Variants in KIFC1 observed in about 807,000 individuals in gnomAD.
KIFC1 encodes kinesin family member C1, also known as kinesin-like protein KIFC1.
In KIFC1, 37 loss-of-function variants were observed where a neutral mutation model predicts 66.6. The observed-to-expected ratio is 0.56, with a 90% CI of 0.43 to 0.73. The LOEUF is 0.73. Ranked by LOEUF, KIFC1 falls within the 30% of genes least tolerant of loss-of-function variation. The pLI is 0.00. For synonymous variants in KIFC1, 325 were observed against 343.5 expected (o/e 0.95, Z 0.60); for missense variants, 721 against 859.8 (o/e 0.84, Z 2.02).
At position 33,405,576 on chromosome 6, in the gene KIFC1, G is replaced by T; in HGVS notation, c.1481G>T (p.Ser494Ile). 1 of 1,568,000 alleles carries T rather than the reference G, an allele frequency of 6.4e-7. No homozygotes were observed. The highest frequency in any genetic ancestry group is 8.6e-7 in the Non-Finnish European group (1 of 1,159,936). ...ECEIRRAGPG[S>I]EELTVTNARY... Reference sequence around the variant, plus strand: ...GAGATTCGCCGTGCAGGGCCAGGGAGTGAGGAGCTCACTGTCACCAATGCT... The same window carrying T: ...GAGATTCGCCGTGCAGGGCCAGGGATTGAGGAGCTCACTGTCACCAATGCT... Residue 494 changes from serine (S) to isoleucine (I), a missense_variant, in exon 7 of 11, where the codon AGT (serine) becomes ATT (isoleucine). By Grantham distance (142) the Ser-to-Ile change is moderately radical. Coordinates refer to ENST00000428849, the MANE Select transcript of KIFC1 (RefSeq NM_002263.4). This position sits in a 1 kb window ranked among gnomAD's most constrained non-coding sequence, Gnocchi z 5.4.
Position 33,403,345 on chromosome 6 carries a change from G to A in KIFC1, c.282G>A (p.Arg94=). 6 of 1,614,008 alleles carry A rather than the reference G, an allele frequency of 3.7e-6. No individual in the cohort carries two copies. The highest frequency in any genetic ancestry group is 5.1e-6 in the Non-Finnish European group (6 of 1,180,018). The change falls in exon 4 of 11, where the codon CGG becomes CGA. Residue 94 remains arginine (R), a synonymous_variant. Transcript: ENST00000428849. This position sits in a 1 kb window ranked among gnomAD's most constrained non-coding sequence, Gnocchi z 4.6. ...AAGTTTCCAAGAAGACAGGACCCCGGTGTTCCACAGCTATTGCCACAGGTA... is the reference window on the plus strand; with the variant it reads ...AAGTTTCCAAGAAGACAGGACCCCGATGTTCCACAGCTATTGCCACAGGTA... ...AQKVSKKTGP[R]CSTAIATGLK... is the part of the protein sequence containing the mutation.
chr6:33,405,751 C>A lies in KIFC1; in HGVS notation c.1536+120C>A, dbSNP rs946692322. ...GAAGGATGAAGTGCAAGTTATCAGG[C>A]TGGGTTACCACATCCGGTTTTGGCC... On this transcript the variant is annotated intron_variant, in intron 7 of 10. Transcript: ENST00000428849. The surrounding 1 kb of genome is among the most constrained non-coding windows in gnomAD (Gnocchi z 5.4). 1 of 1,122,836 alleles carries A rather than the reference C, an allele frequency of 8.9e-7. No individual in the cohort carries two copies. The highest frequency in any genetic ancestry group is 1.2e-6 in the Non-Finnish European group (1 of 829,758). 69.6% of individuals were successfully genotyped at this position (1,122,836 alleles called of 1,614,324 possible). A position where few individuals can be genotyped will look rare whatever the true frequency, so the allele number is the denominator to read the frequency against.
chr6:33,409,754 T>TGTCC lies in KIFC1; in HGVS notation c.*64_*65insGTCC, dbSNP rs1374618874. 6.5e-5 allele frequency: 87 copies of TGTCC among 1,343,402 alleles called. No individual in the cohort carries two copies. The African/African-American group carries it at 1.1e-3, about 18-fold the overall frequency. The allele number at this position is 1,343,402 out of a possible 1,614,324, so 83.2% of individuals were successfully genotyped here. On this transcript the variant is annotated 3_prime_UTR_variant, in exon 11 of 11. Transcript: ENST00000428849. ...GTGTGTGTGTGTGTGTGTGTGTGTG[T>TGTCC]CCCTATGTCTATGTATCGGGTGAGG... is the stretch of plus-strand genomic sequence containing the variant.
chr6:33,394,702 G>A (rs1774949953), intron 1 of KIFC1, among the ~76,000 whole-genome samples: 1 of 152,086 alleles, frequency 6.6e-6, no homozygotes, highest in African/African-American at 2.4e-5. Context: ...GGCTGGTCTC[G>A]AACTCCTGAA....
At position 33,405,397 on chromosome 6, in the gene KIFC1, C is replaced by G. The variant is rs751031255; in HGVS notation, c.1302C>G (p.Ile434Met). 6 of 1,606,060 alleles carry G rather than the reference C, an allele frequency of 3.7e-6. No homozygotes were observed. Among genetic ancestry groups the G allele is most frequent in the Non-Finnish European group, 5.1e-6 (6 of 1,174,668 alleles). ...GAGACCCCCAGTTGGAGGGGCTGAT[C>G]CCTCGGGCCCTGCGGCACCTCTTCT... Reference protein sequence around the residue: ...PGGDPQLEGLIPRALRHLFSV... With the variant: ...PGGDPQLEGLMPRALRHLFSV... Residue 434 changes from isoleucine (I) to methionine (M), a missense_variant, in exon 7 of 11, where the codon ATC becomes ATG. Physicochemically the swap from Ile to Met is conservative, Grantham distance 10. Coordinates refer to ENST00000428849, the MANE Select transcript of KIFC1 (RefSeq NM_002263.4). The surrounding 1 kb of genome is among the most constrained non-coding windows in gnomAD (Gnocchi z 5.4).
intron 3 of KIFC1, among the ~76,000 whole-genome samples, chr6:33,398,637 A>AT (rs1243231036): frequency 4.0e-5 from 6 of 151,270 alleles, no homozygotes; most frequent in Non-Finnish European, 7.4e-5. Flanking sequence ...TAATTTTTGT[A>AT]TTTTTTTCAG....
chr6:33,409,725 G>T lies in KIFC1; in HGVS notation c.*35G>T. The T allele has an allele frequency of 1.5e-6, 2 of 1,359,174 alleles. No individual in the cohort carries two copies. Among genetic ancestry groups the T allele is most frequent in the Non-Finnish European group, 2.0e-6 (2 of 979,924 alleles). 84.2% of individuals were successfully genotyped at this position (1,359,174 alleles called of 1,614,324 possible). ...CAGATCTGTGTGTGTGTGTGTGTGTGTGTGTGTGTGTGTGTGTGTGTGTGT... is the reference window on the plus strand; with the variant it reads ...CAGATCTGTGTGTGTGTGTGTGTGTTTGTGTGTGTGTGTGTGTGTGTGTGT... On this transcript the variant is annotated 3_prime_UTR_variant, in exon 11 of 11. Transcript: ENST00000428849.
Position 33,405,663 on chromosome 6 carries a change from T to G in KIFC1, c.1536+32T>G. On this transcript the variant is annotated intron_variant, in intron 7 of 10. Coordinates refer to ENST00000428849, the MANE Select transcript of KIFC1 (RefSeq NM_002263.4). The surrounding 1 kb of genome is among the most constrained non-coding windows in gnomAD (Gnocchi z 5.4). ...ACCCATGGGCACTGGAACTGGGAAA[T>G]GGGGAGGAGTGGGCAGGGTGCCACG... The G allele has an allele frequency of 1.4e-6, 2 of 1,469,266 alleles. No homozygotes were observed. The highest frequency in any genetic ancestry group is 2.3e-5 in the East Asian group (1 of 42,912). 91.0% of individuals were successfully genotyped at this position (1,469,266 alleles called of 1,614,324 possible). A position where few individuals can be genotyped will look rare whatever the true frequency, so the allele number is the denominator to read the frequency against.
rs746038290 is a variant in KIFC1 at position 33,400,408 on chromosome 6, G to C, written c.250+2021G>C. 1.1e-5 allele frequency: 17 copies of C among 1,601,098 alleles called. No homozygotes were observed. The highest frequency in any genetic ancestry group is 1.4e-5 in the Non-Finnish European group (16 of 1,174,372). ...AATCCTCAGGCCCTTCCAGTCACCC[G>C]TTGCCTTGGCAATGTCATCACCAAC... On this transcript the variant is annotated intron_variant, in intron 3 of 10. Coordinates refer to ENST00000428849, the MANE Select transcript of KIFC1 (RefSeq NM_002263.4). This position sits in a 1 kb window ranked among gnomAD's most constrained non-coding sequence, Gnocchi z 4.3.
intron 1 of KIFC1, among the ~76,000 whole-genome samples, chr6:33,392,579 A>G (rs1774844219): frequency 6.6e-6 from 1 of 152,164 alleles, no homozygotes; most frequent in African/African-American, 2.4e-5. Flanking sequence ...TTTCTCTTAA[A>G]TGGTGCCCTG....
Position 33,403,483 on chromosome 6 carries a change from A to C in KIFC1, c.305-2A>C, listed in dbSNP as rs1775480283. The C allele has an allele frequency of 6.2e-7, 1 of 1,614,162 alleles. No individual in the cohort carries two copies. ...TCCTAAGTCACCTCCTCAATTCTGT[A>C]GGGTTGAAGAACCAGAAGCCAGTTC... On this transcript the variant is annotated splice_acceptor_variant, in intron 4 of 10. Transcript: ENST00000428849. LOFTEE classifies it high-confidence loss of function. This position sits in a 1 kb window ranked among gnomAD's most constrained non-coding sequence, Gnocchi z 4.6.
rs180942054 is a variant in KIFC1, at chr6:33,404,287, C to T, written c.756+158C>T. Among the ~76,000 whole-genome samples the T allele has an allele frequency of 2.0e-5, 3 of 151,806 alleles. No homozygotes were observed. The East Asian group carries it at 5.8e-4, about 30-fold the overall frequency. Reference sequence around the variant, plus strand: ...TGAAGATACCTCTCTCTTGACCTGTCTGCACCCCAGCCCACTCCTGACTGT... The same window carrying T: ...TGAAGATACCTCTCTCTTGACCTGTTTGCACCCCAGCCCACTCCTGACTGT... On this transcript the variant is annotated intron_variant, in intron 6 of 10. Transcript: ENST00000428849. This position sits in a 1 kb window ranked among gnomAD's most constrained non-coding sequence, Gnocchi z 4.0.
chr6:33,405,048 G>A lies in KIFC1; in HGVS notation c.953G>A (p.Arg318His), dbSNP rs1775569345. ...AACATCCGTGTATTCTGCCGGGTCC[G>A]CCCTGTCCTGCCGGGGGAGCCCACT... The part of the protein sequence containing the change: ...KGNIRVFCRV[R>H]PVLPGEPTPP... The change falls in exon 7 of 11, where the codon CGC becomes CAC. Residue 318 changes from arginine to histidine, a missense_variant. By Grantham distance (29) the Arg-to-His change is conservative. Coordinates refer to ENST00000428849, the MANE Select transcript of KIFC1 (RefSeq NM_002263.4). This position sits in a 1 kb window ranked among gnomAD's most constrained non-coding sequence, Gnocchi z 5.4. 8.1e-6 allele frequency: 13 copies of A among 1,613,950 alleles called. No individual in the cohort carries two copies. Among genetic ancestry groups the A allele is most frequent in the Non-Finnish European group, 1.0e-5 (12 of 1,179,966 alleles).
intron 10 of KIFC1, among the ~76,000 whole-genome samples, chr6:33,408,075 A>G (rs541126971): frequency 9.5e-4 from 145 of 152,268 alleles, no homozygotes; most frequent in African/African-American, 3.3e-3. Context: ...GTTTTTTCTA[A>G]CTTTTTATTA....
chr6:33,407,480 G>A (rs1775718924), intron 10 of KIFC1, among the ~76,000 whole-genome samples: 1 of 152,190 alleles, frequency 6.6e-6, no homozygotes, highest in Non-Finnish European at 1.5e-5. Context: ...TTTTAGGTCT[G>A]CCTAGACTCC....
intron 1 of KIFC1, among the ~76,000 whole-genome samples, chr6:33,392,651 A>T (rs1562823162): frequency 6.7e-6 from 1 of 149,840 alleles, no homozygotes; most frequent in Non-Finnish European, 1.5e-5. Context: ...TGTGTGTGAC[A>T]GCTGGAGTGT....
chr6:33,398,989 G>C (rs1775237020), intron 3 of KIFC1, among the ~76,000 whole-genome samples: 1 of 152,336 alleles, frequency 6.6e-6, no homozygotes, highest in Non-Finnish European at 1.5e-5. Flanking sequence ...ACATGGTCCT[G>C]CTTTTACTTA....
intron 1 of KIFC1, among the ~76,000 whole-genome samples, chr6:33,397,272 C>T (rs1225994305): frequency 1.4e-5 from 2 of 147,662 alleles, no homozygotes; most frequent in East Asian, 2.0e-4. Context: ...CCACCGTGCT[C>T]GCCCAGAATT....
rs753771464 is a variant in KIFC1, at chr6:33,398,313, C to T, written c.176C>T (p.Thr59Met). 22 of 1,614,036 alleles carry T rather than the reference C, an allele frequency of 1.4e-5. No individual in the cohort carries two copies. Among genetic ancestry groups the T allele is most frequent in the South Asian group, 6.6e-5 (6 of 91,080 alleles). ...AAACGGACAAGAGGCCTGGGTGCAA[C>T]GACCAAAATTACCACATCCCACCCA... ...EKKRTRGLGA[T>M]TKITTSHPRV... Residue 59 changes from threonine (T) to methionine (M), a missense_variant, in exon 3 of 11, where the codon ACG (threonine) becomes ATG (methionine). Coordinates refer to ENST00000428849, the MANE Select transcript of KIFC1 (RefSeq NM_002263.4).
Sources: gnomAD v4.1 joint callset for allele counts (sites outside exome capture counted in the v4.1 genomes callset) on GRCh38, gnomAD v4.1.1 for gene constraint, Gnocchi (gnomAD v3.1) non-coding constraint, MANE v1.5 for transcripts, NCBI Gene and HGNC (gene_info 2026-07-23, HGNC 2026-07-21) for gene names.